The following PDE10A variants were observed in gnomAD, a reference collection of about 807,000 sequenced individuals.
PDE10A encodes the protein cAMP and cAMP-inhibited cGMP 3',5'-cyclic phosphodiesterase 10A.
A neutral mutation model predicts 97.7 loss-of-function variants in PDE10A; 39 were observed. The observed-to-expected ratio is 0.40, with a 90% CI of 0.31 to 0.52. The LOEUF (loss-of-function observed/expected upper bound fraction) is 0.52. PDE10A is among the 20% of genes least tolerant of loss of function. The pLI, the probability that PDE10A is intolerant of heterozygous loss-of-function variation, is 0.56. For synonymous variants in PDE10A, 371 were observed against 376.8 expected, an observed-to-expected ratio of 0.98 and a Z score of 0.18; for missense variants, 731 against 1,047.8, an observed-to-expected ratio of 0.70 and a Z score of 4.17.
chr6:165,609,438 G>A (rs529787161), intron 1 of PDE10A, among the ~76,000 whole-genome samples: 22 of 152,252 alleles, frequency 1.4e-4, no homozygotes, highest in East Asian at 5.8e-4. Flanking sequence ...TTCCCTTTGA[G>A]AACTGGCACA....
At chr6:165,793,749 C>T (rs529663988) in intron 1 of PDE10A, among the ~76,000 whole-genome samples, 25 of 152,298 alleles carry the variant, frequency 1.6e-4, no homozygotes, top group African/African-American at 3.8e-4. Flanking sequence ...ACTTTGCCTT[C>T]GGCTTGTAGT....
chr6:165,614,686 A>T (rs1363815232), intron 1 of PDE10A, among the ~76,000 whole-genome samples: 3 of 152,164 alleles, frequency 2.0e-5, no homozygotes, highest in Non-Finnish European at 2.9e-5. Flanking sequence ...TTGTATTTCC[A>T]GCATCTAGCA....
intron 1 of PDE10A, among the ~76,000 whole-genome samples, chr6:165,869,267 A>C (rs932836150): frequency 2.0e-5 from 3 of 152,136 alleles, no homozygotes; most frequent in African/African-American, 7.2e-5. Flanking sequence ...AAATCAACAT[A>C]CAAAAGTTAG....
chr6:165,351,463 A>T (rs985002735), intron 18 of PDE10A, among the ~76,000 whole-genome samples: 8 of 152,214 alleles, frequency 5.3e-5, no homozygotes, highest in Non-Finnish European at 1.2e-4. Flanking sequence ...AAATGCCAAC[A>T]ATCAAAGACA....
At chr6:165,465,807 G>C (rs192114309) in intron 3 of PDE10A, among the ~76,000 whole-genome samples, 84 of 152,250 alleles carry the variant, frequency 5.5e-4, no homozygotes, top group African/African-American at 1.9e-3. Flanking sequence ...TTGACACATG[G>C]GGATTATTAC....
intron 1 of PDE10A, among the ~76,000 whole-genome samples, chr6:165,768,498 A>G (rs986280162): frequency 3.3e-5 from 5 of 152,220 alleles, no homozygotes; most frequent in African/African-American, 4.8e-5. Flanking sequence ...CACTTAAAAT[A>G]AATGCTCCTT....
Position 165,379,197 on chromosome 6 carries a change from T to C in PDE10A, c.2780A>G (p.His927Arg). 6.3e-7 allele frequency: 1 copy of C among 1,598,182 alleles called. No individual in the cohort carries two copies. Among genetic ancestry groups the C allele is most frequent in the Non-Finnish European group, 8.5e-7 (1 of 1,172,522 alleles). ...TGSLNLNNQSHRDRVIGLMMT... is the reference protein window; with the variant it reads ...TGSLNLNNQSRRDRVIGLMMT... Reference sequence around the variant, plus strand: ...AGCTTTTAAAAATTATTTTTACCTATGTGATTGATTATTAAGGTTTAGTGA... The same window carrying C: ...AGCTTTTAAAAATTATTTTTACCTACGTGATTGATTATTAAGGTTTAGTGA... The change falls in exon 18 of 22, where the codon CAT (histidine) becomes CGT (arginine). Residue 927 changes from histidine (H) to arginine (R), a missense_variant. Coordinates refer to ENST00000539869, the MANE Select transcript of PDE10A (RefSeq NM_001385079.1).
intron 1 of PDE10A, among the ~76,000 whole-genome samples, chr6:165,672,782 C>T (rs1261606757): frequency 6.6e-6 from 1 of 152,200 alleles, no homozygotes; most frequent in Non-Finnish European, 1.5e-5. Flanking sequence ...ATTGCCCAGT[C>T]TCAGGTATAT....
intron 1 of PDE10A, among the ~76,000 whole-genome samples, chr6:165,728,206 C>T (rs1792344784): frequency 6.6e-6 from 1 of 152,132 alleles, no homozygotes; most frequent in South Asian, 2.1e-4. Context: ...CAGGTAGGGC[C>T]CCTAGTCATG....
rs1412035933 is a variant in PDE10A, at chr6:165,662,388, G to C, written c.424C>G (p.Leu142Val). ...GCCGCTGCGCCCTCCCTTCCTGGGA[G>C]ACGCACGGGGAGGTGAAAGGCAGAT... The part of the protein sequence containing the change: ...SSSAFHLPVR[L>V]PGREGAAAAA... Residue 142 changes from leucine (L) to valine (V), a missense_variant, in exon 1 of 22, where the codon CTC becomes GTC. This residue lies in a region of PDE10A where 181 missense variants were observed against 159.1 expected (regional missense o/e 1.14). Coordinates refer to ENST00000539869, the MANE Select transcript of PDE10A (RefSeq NM_001385079.1). The C allele has an allele frequency of 6.4e-6, 1 of 155,200 alleles. No homozygotes were observed. The highest frequency in any genetic ancestry group is 2.5e-5 in the African/African-American group (1 of 40,762). The allele number at this position is 155,200 out of a possible 1,614,324, so 9.6% of individuals were successfully genotyped here. A position where few individuals can be genotyped will look rare whatever the true frequency, so the allele number is the denominator to read the frequency against.
intron 3 of PDE10A, among the ~76,000 whole-genome samples, chr6:165,453,907 G>A (rs1438686816): frequency 6.6e-6 from 1 of 152,172 alleles, no homozygotes; most frequent in South Asian, 2.1e-4. Flanking sequence ...AGAAGCTCAG[G>A]CATGAGACAC....
intron 1 of PDE10A, among the ~76,000 whole-genome samples, chr6:165,785,807 G>A (rs6456013): frequency 0.5 from 76,005 of 151,526 alleles, 19,610 homozygotes; most frequent in Middle Eastern, 0.58. Context: ...TTTCAGGAAC[G>A]GATTCTTAAT....
intron 1 of PDE10A, among the ~76,000 whole-genome samples, chr6:165,613,147 G>C (rs1787574469): frequency 6.6e-6 from 1 of 151,988 alleles, no homozygotes; most frequent in South Asian, 2.1e-4. Context: ...TGAATTACAT[G>C]ATAAAACAAA....
intron 1 of PDE10A, among the ~76,000 whole-genome samples, chr6:165,913,031 A>G (rs1325708688): frequency 6.6e-6 from 1 of 152,204 alleles, no homozygotes; most frequent in Non-Finnish European, 1.5e-5. Context: ...CAAGGCTGCA[A>G]GTAAAGAATT....
At chr6:165,627,299 T>C (rs911546845) in intron 1 of PDE10A, among the ~76,000 whole-genome samples, 1 of 152,220 alleles carries the variant, frequency 6.6e-6, no homozygotes, top group African/African-American at 2.4e-5. Context: ...TAAGGCCTGA[T>C]GTATTTTAAA....
At chr6:165,618,133 C>T (rs12196655) in intron 1 of PDE10A, among the ~76,000 whole-genome samples, 15,919 of 152,086 alleles carry the variant, frequency 0.1, 919 homozygotes, top group Non-Finnish European at 0.13. Flanking sequence ...TATATGTATT[C>T]AATATATGTA....
chr6:165,880,807 A>G (rs533451671), intron 1 of PDE10A, among the ~76,000 whole-genome samples: 1 of 152,230 alleles, frequency 6.6e-6, no homozygotes, highest in Non-Finnish European at 1.5e-5. Context: ...GCAAAATGCT[A>G]CAAGTGATTT....
At chr6:165,569,618 T>C (rs1053113372) in intron 1 of PDE10A, among the ~76,000 whole-genome samples, 3 of 152,196 alleles carry the variant, frequency 2.0e-5, no homozygotes, top group Admixed American at 6.5e-5. Flanking sequence ...GCTTGTTTCA[T>C]GTCTCTTTAT....
chr6:165,956,257 A>G (rs1292813550), intron 1 of PDE10A, among the ~76,000 whole-genome samples: 3 of 152,200 alleles, frequency 2.0e-5, no homozygotes, highest in Non-Finnish European at 4.4e-5. Flanking sequence ...AGGAGAAATA[A>G]CCCAAATACT....
Sources: gnomAD v4.1 joint callset for allele counts (sites outside exome capture counted in the v4.1 genomes callset) on GRCh38, gnomAD v4.1.1 for gene constraint, gnomAD v4.1.1 regional missense constraint, MANE v1.5 for transcripts, NCBI Gene and HGNC (gene_info 2026-07-23, HGNC 2026-07-21) for gene names.